ANKRD36C: variants seen among roughly 807,000 people sequenced by gnomAD.
ANKRD36C encodes ankyrin repeat domain 36C.
ANKRD36C carries 61 observed loss-of-function variants against 276.4 expected under a neutral mutation model. The ratio of observed to expected loss-of-function variants is 0.22; its 90% CI spans 0.18 to 0.27. ANKRD36C has a LOEUF of 0.27. Among genes scored for constraint, ANKRD36C ranks in the 10% least tolerant of loss-of-function variants. The pLI is 1.00. For synonymous variants in ANKRD36C, 483 were observed against 680.1 expected (o/e 0.71, Z 4.51); for missense variants, 1,447 against 2,032.3 (o/e 0.71, Z 5.54).
Position 95,855,124 on chromosome 2 carries a change from C to T in ANKRD36C, c.4995+142G>A, listed in dbSNP as rs1675378588. On this transcript the variant is annotated intron_variant, in intron 63 of 66. Transcript: ENST00000456556. Reference sequence around the variant, plus strand: ...AGTTCTAACTTTGACTTGCTGGAGACAAGGAATGTTTCTAAGCAGATATAT... The same window carrying T: ...AGTTCTAACTTTGACTTGCTGGAGATAAGGAATGTTTCTAAGCAGATATAT... 6.2e-6 allele frequency: 8 copies of T among 1,282,196 alleles called. No individual in the cohort carries two copies. The South Asian group carries it at 1.3e-4, about 21-fold the overall frequency. 79.4% of individuals were successfully genotyped at this position (1,282,196 alleles called of 1,614,324 possible). A position where few individuals can be genotyped will look rare whatever the true frequency, so the allele number is the denominator to read the frequency against.
chr2:95,912,010 T>A (rs1199575292), intron 42 of ANKRD36C, among the ~76,000 whole-genome samples: 2 of 151,500 alleles, frequency 1.3e-5, no homozygotes, highest in Admixed American at 1.3e-4. Flanking sequence ...TGTCTTCAAC[T>A]GCTCTCCATA....
chr2:95,897,540 G>C, intron 44 of ANKRD36C, 75 bp from the exon 59 acceptor site: 2 of 1,506,050 alleles, frequency 1.3e-6, no homozygotes, highest in Middle Eastern at 2.3e-4. Context: ...TGCAGTGTTA[G>C]CATCAACCTC....
At position 95,891,686 on chromosome 2, in the gene ANKRD36C, G is replaced by A. The variant is rs745441217; in HGVS notation, c.2836C>T (p.His946Tyr). 14 of 1,563,666 alleles carry A rather than the reference G, an allele frequency of 9.0e-6. No individual in the cohort carries two copies. The Admixed American group carries it at 2.0e-4, about 23-fold the overall frequency. The change falls in exon 46 of 67, where the codon CAT becomes TAT. Residue 946 changes from histidine (H) to tyrosine (Y), a missense_variant. By Grantham distance (83) the His-to-Tyr change is moderately conservative. Around this residue, in one of 13 missense-constraint regions of ANKRD36C, gnomAD observed 565 missense variants for 539.5 expected, o/e 1.05. Transcript: ENST00000456556. ...TTACCTCTCCTAGTTTTTTCTCCATGCTTTTTTCCTCTGGCTATATTCAAA... is the reference window on the plus strand; with the variant it reads ...TTACCTCTCCTAGTTTTTTCTCCATACTTTTTTCCTCTGGCTATATTCAAA...
At chr2:95,874,866 A>G (rs1227832145) in intron 59 of ANKRD36C, among the ~76,000 whole-genome samples, 2 of 152,238 alleles carry the variant, frequency 1.3e-5, no homozygotes, top group Admixed American at 6.5e-5. Flanking sequence ...AAAAGTGGGC[A>G]AAGGATATCA....
chr2:95,865,460 C>T (rs913296187), intron 60 of ANKRD36C, among the ~76,000 whole-genome samples: 1 of 151,900 alleles, frequency 6.6e-6, no homozygotes, highest in Admixed American at 6.6e-5. Flanking sequence ...CAATAGTAAC[C>T]AAAACAGTGT....
chr2:95,867,235 A>G (rs935917251), intron 60 of ANKRD36C, among the ~76,000 whole-genome samples: 10 of 152,194 alleles, frequency 6.6e-5, no homozygotes, highest in African/African-American at 2.4e-4. Context: ...TATCATTCAC[A>G]CTGAGAAAAG....
chr2:95,951,500 G>C, intron 14 of ANKRD36C, 92 bp from the exon 15 acceptor site: 2 of 967,534 alleles, frequency 2.1e-6, no homozygotes, highest in Non-Finnish European at 3.1e-6. Context: ...AACAGGAAAA[G>C]TATGGACATT....
chr2:95,933,350 T>A (rs1373815000), intron 24 of ANKRD36C, among the ~76,000 whole-genome samples: 1 of 152,296 alleles, frequency 6.6e-6, no homozygotes, highest in Non-Finnish European at 1.5e-5. Flanking sequence ...GCATTGAACC[T>A]ATAAATTACT....
chr2:95,946,156 G>GA (rs56964568), intron 17 of ANKRD36C, among the ~76,000 whole-genome samples: 2,560 of 73,308 alleles, frequency 0.035, 151 homozygotes, highest in African/African-American at 0.11. Context: ...ACAGAGAGAG[G>GA]AAAAAAAAAA....
chr2:95,917,959 A>C (rs752840419), intron 35 of ANKRD36C, 32 bp from the exon 38 acceptor site: 2 of 1,598,146 alleles, frequency 1.3e-6, no homozygotes, highest in Non-Finnish European at 1.7e-6. Context: ...ATAATAAATA[A>C]ATAAATCAAT....
At position 95,858,945 on chromosome 2, in the gene ANKRD36C, A is replaced by G. The variant is rs1675493475; in HGVS notation, c.3896+916T>C. On this transcript the variant is annotated intron_variant, in intron 61 of 66. Coordinates refer to ENST00000456556, the Ensembl canonical transcript of ANKRD36C. ...GCATAAAACTGAATTAATTTTATCT[A>G]CATAACAGAGAGAGAGAGATGTTGA... Among the ~76,000 whole-genome samples the G allele has an allele frequency of 2.0e-5, 3 of 151,970 alleles. No individual in the cohort carries two copies. In the South Asian group the frequency reaches 6.2e-4, roughly 31 times the overall value.
exon 63 of ANKRD36C, chr2:95,855,546 G>A (rs545954071): frequency 1.9e-6 from 3 of 1,611,054 alleles, no homozygotes; most frequent in Non-Finnish European, 2.5e-6. Flanking sequence ...TTTTTCCATT[G>A]TATTGTATCC....
chr2:95,939,424 G>A (rs78121115), intron 20 of ANKRD36C, among the ~76,000 whole-genome samples: 4,440 of 112,348 alleles, frequency 0.04, no homozygotes, highest in African/African-American at 0.057. Flanking sequence ...TATCATTCGC[G>A]GCCGGGCGCG....
At chr2:95,991,781 A>C in exon 1 of ANKRD36C, 1 of 1,430,058 alleles carries the variant, frequency 7.0e-7, no homozygotes, top group South Asian at 1.2e-5. Flanking sequence ...TCCGAAGAGC[A>C]ACAACAGGCA....
intron 19 of ANKRD36C, among the ~76,000 whole-genome samples, chr2:95,941,841 A>G (rs1326899424): frequency 2.0e-5 from 3 of 152,408 alleles, no homozygotes; most frequent in Non-Finnish European, 2.9e-5. Flanking sequence ...ACAAAAACGA[A>G]CATTCCAAAA....
At chr2:95,918,176 T>C in intron 34 of ANKRD36C, 134 bp from the exon 37 acceptor site, 1 of 1,410,428 alleles carries the variant, frequency 7.1e-7, no homozygotes, top group South Asian at 1.2e-5. Context: ...CTACTTTGTG[T>C]CTTGGGACTG....
chr2:95,977,904 C>T (rs1251832687), intron 6 of ANKRD36C, among the ~76,000 whole-genome samples: 3 of 151,794 alleles, frequency 2.0e-5, no homozygotes, highest in African/African-American at 7.3e-5. Context: ...TATTAGGAAC[C>T]ATAATTAAAT....
intron 52 of ANKRD36C, among the ~76,000 whole-genome samples, chr2:95,884,706 T>C (rs1366456834): frequency 6.6e-6 from 1 of 152,054 alleles, no homozygotes; most frequent in African/African-American, 2.4e-5. Flanking sequence ...TGAGAATCAA[T>C]GTCAAAGCAG....
intron 3 of ANKRD36C, among the ~76,000 whole-genome samples, chr2:95,984,386 C>A (rs1437741505): frequency 2.6e-5 from 4 of 152,098 alleles, no homozygotes; most frequent in African/African-American, 9.7e-5. Flanking sequence ...TGAAGAGAAG[C>A]CTGGAATCCA....
Sources: allele counts gnomAD v4.1 joint callset (sites outside exome capture counted in the v4.1 genomes callset), GRCh38; gene constraint gnomAD v4.1.1; regional missense constraint gnomAD v4.1.1; transcripts MANE v1.5; gene names NCBI Gene and HGNC (gene_info 2026-07-23, HGNC 2026-07-21).